The following TMEM74 variants were observed in gnomAD, a reference collection of about 807,000 sequenced individuals.
TMEM74 encodes the protein transmembrane protein 74.
In TMEM74, 13 loss-of-function variants were observed where a neutral mutation model predicts 18.1. That is an observed-to-expected ratio of 0.72 (90% CI 0.47 to 1.14). The LOEUF (loss-of-function observed/expected upper bound fraction) is 1.14, where lower values mean the gene tolerates loss of function less well. TMEM74 is among the 50% of genes most tolerant of loss of function. TMEM74 has a pLI of 0.00. For synonymous variants in TMEM74, 159 were observed against 146.6 expected (o/e 1.08, Z -0.61); for missense variants, 372 against 375.9 (o/e 0.99, Z 0.09).
chr8:108,709,426 T>G (rs1394126501), intron 1 of TMEM74, among the ~76,000 whole-genome samples: 1 of 152,154 alleles, frequency 6.6e-6, no homozygotes, highest in Non-Finnish European at 1.5e-5. Context: ...AAGTAGTATT[T>G]GTGAAAGACA....
At chr8:108,750,679 T>C (rs1215174584) in intron 1 of TMEM74, among the ~76,000 whole-genome samples, 1 of 152,106 alleles carries the variant, frequency 6.6e-6, no homozygotes, top group Non-Finnish European at 1.5e-5. Context: ...TGGGGTGTTC[T>C]GAAAAAGAAG....
At chr8:108,756,772 G>C (rs1268587412) in intron 1 of TMEM74, among the ~76,000 whole-genome samples, 3 of 108,708 alleles carry the variant, frequency 2.8e-5, no homozygotes, top group East Asian at 3.6e-4. Context: ...AGGGAGGGGA[G>C]GGGAGGGCAG....
intron 1 of TMEM74, among the ~76,000 whole-genome samples, chr8:108,764,787 T>C (rs1814084325): frequency 6.6e-6 from 1 of 152,154 alleles, no homozygotes; most frequent in Admixed American, 6.5e-5. Context: ...CCACTTACAA[T>C]TTGCTGGCTG....
At chr8:108,740,660 T>G (rs1464512723) in intron 1 of TMEM74, among the ~76,000 whole-genome samples, 2 of 152,206 alleles carry the variant, frequency 1.3e-5, no homozygotes, top group African/African-American at 2.4e-5. Context: ...TATTTGAAAC[T>G]TTCCCATTAT....
intron 1 of TMEM74, among the ~76,000 whole-genome samples, chr8:108,734,629 G>A (rs1260450577): frequency 6.6e-6 from 1 of 151,996 alleles, no homozygotes; most frequent in Non-Finnish European, 1.5e-5. Flanking sequence ...TTTCTGCTAA[G>A]TTTTTTAATA....
chr8:108,685,404 T>G (rs1281349418), intron 1 of TMEM74, among the ~76,000 whole-genome samples: 1 of 152,172 alleles, frequency 6.6e-6, no homozygotes, highest in Non-Finnish European at 1.5e-5. Context: ...TTTGACTTTC[T>G]CTTTTCTAAT....
intron 1 of TMEM74, among the ~76,000 whole-genome samples, chr8:108,735,515 T>A (rs563187955): frequency 6.6e-6 from 1 of 152,352 alleles, no homozygotes; most frequent in East Asian, 1.9e-4. Context: ...TGAAGGTTCC[T>A]GCATGTTGTA....
At chr8:108,652,491 A>G in intron 2 of TMEM74, 2 of 411,424 alleles carry the variant, frequency 4.9e-6, no homozygotes, top group Non-Finnish European at 4.5e-6. Context: ...CAGAATGCAA[A>G]TGCCAGGAGG....
chr8:108,607,578 T>C (rs907876774), exon 4 of TMEM74: 7 of 152,240 alleles, frequency 4.6e-5, no homozygotes, highest in Non-Finnish European at 1.0e-4. Context: ...TCACTAATTA[T>C]ATTGTAGAAG....
chr8:108,658,158 G>A (rs1187251298), intron 1 of TMEM74, among the ~76,000 whole-genome samples: 1 of 151,750 alleles, frequency 6.6e-6, no homozygotes, highest in African/African-American at 2.4e-5. Flanking sequence ...ATGAGCTTAA[G>A]CCAAACACTG....
At chr8:108,670,997 T>C (rs1435336428) in intron 1 of TMEM74, among the ~76,000 whole-genome samples, 2 of 152,146 alleles carry the variant, frequency 1.3e-5, no homozygotes, top group African/African-American at 4.8e-5. Context: ...CTTAGTGATA[T>C]GATGTTTTGA....
At chr8:108,735,036 A>T (rs1469237362) in intron 1 of TMEM74, among the ~76,000 whole-genome samples, 2 of 152,172 alleles carry the variant, frequency 1.3e-5, no homozygotes, top group Non-Finnish European at 2.9e-5. Flanking sequence ...TGACTTTGTA[A>T]ATCTATCTCT....
chr8:108,611,246 G>A (rs1812331009), intron 2 of TMEM74, among the ~76,000 whole-genome samples: 1 of 152,084 alleles, frequency 6.6e-6, no homozygotes, highest in Non-Finnish European at 1.5e-5. Context: ...TCTGCAGTAG[G>A]TGAAATTTCC....
At chr8:108,654,725 A>G (rs749071221) in intron 2 of TMEM74, among the ~76,000 whole-genome samples, 1 of 151,614 alleles carries the variant, frequency 6.6e-6, no homozygotes, top group Non-Finnish European at 1.5e-5. Context: ...CCTTCTTGCC[A>G]TCCTGAAAAA....
intron 2 of TMEM74, among the ~76,000 whole-genome samples, chr8:108,622,861 T>A (rs1812457082): frequency 6.6e-6 from 1 of 152,216 alleles, no homozygotes; most frequent in East Asian, 1.9e-4. Context: ...TTCCTCTTAT[T>A]GATTCACTTC....
At chr8:108,742,245 A>G (rs1813808336) in intron 1 of TMEM74, among the ~76,000 whole-genome samples, 1 of 152,212 alleles carries the variant, frequency 6.6e-6, no homozygotes, top group South Asian at 2.1e-4. Context: ...CGCCTGTGAC[A>G]TGAGTTTACT....
Position 108,780,627 on chromosome 8 carries a change from T to C in TMEM74, c.*3554A>G, listed in dbSNP as rs1814293468. ...ATTGGGTCCCTAAAACAAATAAGTA[T>C]GAGGGGGATGAACTCATATTTTAAG... On this transcript the variant is annotated 3_prime_UTR_variant, in exon 2 of 2. Coordinates refer to ENST00000297459, the MANE Select transcript of TMEM74 (RefSeq NM_153015.3). 1.3e-5 allele frequency among the ~76,000 whole-genome samples: 2 copies of C among 152,066 alleles called. No homozygotes were observed. Among genetic ancestry groups the C allele is most frequent in the Admixed American group, 1.3e-4 (2 of 15,268 alleles).
chr8:108,711,952 G>A (rs566952583), intron 1 of TMEM74, among the ~76,000 whole-genome samples: 6 of 152,176 alleles, frequency 3.9e-5, no homozygotes, highest in Admixed American at 3.9e-4. Context: ...TATAGATATA[G>A]AGATATATCT....
intron 1 of TMEM74, among the ~76,000 whole-genome samples, chr8:108,693,604 A>T (rs555614835): frequency 6.6e-6 from 1 of 152,366 alleles, no homozygotes; most frequent in East Asian, 1.9e-4. Context: ...AATTGTTGGC[A>T]TGTGCAAGCT....
Sources: gnomAD v4.1 joint callset for allele counts (sites outside exome capture counted in the v4.1 genomes callset) on GRCh38, gnomAD v4.1.1 for gene constraint, MANE v1.5 for transcripts, NCBI Gene and HGNC (gene_info 2026-07-23, HGNC 2026-07-21) for gene names.